The following DNTTIP1 variants were observed in gnomAD, a reference collection of about 807,000 sequenced individuals.
DNTTIP1 encodes deoxynucleotidyltransferase terminal-interacting protein 1.
In DNTTIP1, 22 loss-of-function variants were observed where a neutral mutation model predicts 52.9. The observed-to-expected ratio is 0.42, with a 90% CI of 0.30 to 0.59. The LOEUF is 0.59. Ranked by LOEUF, DNTTIP1 falls within the 20% of genes least tolerant of loss-of-function variation. DNTTIP1 has a pLI of 0.22. For synonymous variants in DNTTIP1, 136 were observed against 155.1 expected, an observed-to-expected ratio of 0.88 and a Z score of 0.92; for missense variants, 286 against 435.5, an observed-to-expected ratio of 0.66 and a Z score of 3.06.
At chr20:45,802,193 C>G in intron 7 of DNTTIP1, 136 bp downstream of exon 7, 1 of 953,754 alleles carries the variant, frequency 1.0e-6, no homozygotes, top group Non-Finnish European at 1.6e-6. Flanking sequence ...GGGGGTTATC[C>G]TGGTTGGAGG....
rs1197083607 is a variant in DNTTIP1 at position 45,800,732 on chromosome 20, T to A, written c.373-342T>A. Among the ~76,000 whole-genome samples the A allele has an allele frequency of 3.5e-4, 22 of 62,916 alleles. 3 individuals are homozygous for A. The highest frequency in any genetic ancestry group is 1.3e-3 in the Admixed American group (6 of 4,466). The allele number at this position is 62,916 out of a possible 152,430, so 41.3% of individuals were successfully genotyped here. On this transcript the variant is annotated intron_variant, in intron 4 of 12. Coordinates refer to ENST00000372622, the MANE Select transcript of DNTTIP1 (RefSeq NM_052951.3). ...ATATATATATATATATATATATATA[T>A]ATATATATATATATATATATATATT... is the stretch of plus-strand genomic sequence containing the variant.
intron 4 of DNTTIP1, among the ~76,000 whole-genome samples, chr20:45,797,056 T>G (rs1981264303): frequency 6.6e-6 from 1 of 152,210 alleles, no homozygotes; most frequent in Admixed American, 6.5e-5. Context: ...TGGAAGCCAA[T>G]TCAGCCGCTC....
intron 10 of DNTTIP1, among the ~76,000 whole-genome samples, chr20:45,807,205 C>G (rs1387346585): frequency 6.6e-6 from 1 of 152,042 alleles, no homozygotes; most frequent in Non-Finnish European, 1.5e-5. Flanking sequence ...TCACCGCATC[C>G]TCCACCTCCT....
At chr20:45,803,880 G>T (rs867205489) in intron 8 of DNTTIP1, among the ~76,000 whole-genome samples, 1 of 152,130 alleles carries the variant, frequency 6.6e-6, no homozygotes, top group Non-Finnish European at 1.5e-5. Flanking sequence ...TCAAACCCAA[G>T]ACCCGCTGAC....
chr20:45,795,471 G>A (rs752984768), intron 4 of DNTTIP1, 28 bp downstream of exon 4: 16 of 1,429,184 alleles, frequency 1.1e-5, no homozygotes, highest in Non-Finnish European at 1.5e-5. Flanking sequence ...AAGAGATGCA[G>A]GCACAAGGTT....
At chr20:45,800,081 C>G (rs1203838620) in intron 4 of DNTTIP1, among the ~76,000 whole-genome samples, 1 of 150,732 alleles carries the variant, frequency 6.6e-6, no homozygotes, top group Non-Finnish European at 1.5e-5. Flanking sequence ...GATCGCACCA[C>G]TGTACTCCAG....
intron 2 of DNTTIP1, among the ~76,000 whole-genome samples, chr20:45,793,511 C>T (rs996923958): frequency 6.6e-6 from 1 of 151,916 alleles, no homozygotes; most frequent in Admixed American, 6.6e-5. Flanking sequence ...ACCAGCCTGA[C>T]CAAAATGGAG....
chr20:45,802,227 A>G (rs1402909122), intron 7 of DNTTIP1, among the ~76,000 whole-genome samples, 170 bp downstream of exon 7: 1 of 152,124 alleles, frequency 6.6e-6, no homozygotes, highest in East Asian at 1.9e-4. Flanking sequence ...GGTAGTGAGG[A>G]GGAAATTGTT....
intron 2 of DNTTIP1, among the ~76,000 whole-genome samples, chr20:45,793,449 C>G (rs1007997041): frequency 6.6e-6 from 1 of 152,140 alleles, no homozygotes; most frequent in Admixed American, 6.5e-5. Flanking sequence ...CCTGTAATCC[C>G]AGCACTTTGG....
chr20:45,803,128 C>T, intron 7 of DNTTIP1: 2 of 542,418 alleles, frequency 3.7e-6, no homozygotes, highest in East Asian at 3.0e-5. Context: ...GCTCATGCCA[C>T]TATGTAAGAG....
chr20:45,797,487 T>C (rs1386728293), intron 4 of DNTTIP1, among the ~76,000 whole-genome samples: 1 of 152,170 alleles, frequency 6.6e-6, no homozygotes, highest in Non-Finnish European at 1.5e-5. Context: ...AAATGGGATC[T>C]AATTAAACTA....
chr20:45,798,707 G>A (rs1981326443), intron 4 of DNTTIP1, among the ~76,000 whole-genome samples: 1 of 152,054 alleles, frequency 6.6e-6, no homozygotes, highest in African/African-American at 2.4e-5. Context: ...CTTTTCTTCA[G>A]ATCTTAGTTT....
At chr20:45,801,566 T>C in intron 6 of DNTTIP1, 108 bp downstream of exon 6, 1 of 1,140,888 alleles carries the variant, frequency 8.8e-7, no homozygotes, top group Non-Finnish European at 1.3e-6. Flanking sequence ...GCGGGGAGGA[T>C]CACTTGAGCT....
In DNTTIP1 at chr20:45,792,754, C is replaced by T; in HGVS notation, c.176+7C>T. ...GCTCACAGATGACAACAAGGTAAGG[C>T]TGGCCCTGCATGGGGCTTATATCCC... On this transcript the variant is annotated splice_region_variant and intron_variant, in intron 2 of 12. Coordinates refer to ENST00000372622, the MANE Select transcript of DNTTIP1 (RefSeq NM_052951.3). 6.2e-7 allele frequency: 1 copy of T among 1,607,396 alleles called. No homozygotes were observed. Among genetic ancestry groups the T allele is most frequent in the South Asian group, 1.1e-5 (1 of 90,350 alleles).
chr20:45,803,210 C>A, intron 7 of DNTTIP1, 123 bp from the exon 8 acceptor site: 2 of 916,232 alleles, frequency 2.2e-6, no homozygotes, highest in South Asian at 1.5e-5. Context: ...TGTGTCACCA[C>A]GAAGGAGGAT....
rs2145708578 is a variant in DNTTIP1 at position 45,811,255 on chromosome 20, T to C, written c.*60T>C. The C allele has an allele frequency of 1.3e-6, 2 of 1,546,584 alleles. No homozygotes were observed. The highest frequency in any genetic ancestry group is 2.5e-5 in the South Asian group (2 of 79,176). The stretch of plus-strand genomic sequence containing the variant: ...TCCAAAGCCCTCTTCCTCACGTGGC[T>C]GAGGCCACCGCTGGGACTGCTCCTA... On this transcript the variant is annotated 3_prime_UTR_variant, in exon 13 of 13. Transcript: ENST00000372622.
At position 45,792,714 on chromosome 20, in the gene DNTTIP1, A is replaced by G; in HGVS notation, c.143A>G (p.Gln48Arg). The G allele has an allele frequency of 6.2e-7, 1 of 1,612,570 alleles. No homozygotes were observed. Among genetic ancestry groups the G allele is most frequent in the Non-Finnish European group, 8.5e-7 (1 of 1,179,288 alleles). Reference protein sequence around the residue: ...WNIMIKHRQVQRRGRRSQMTT... With the variant: ...WNIMIKHRQVRRRGRRSQMTT... ...ATAATGATAAAGCACCGGCAGGTGC[A>G]GCGGAGGGGCCGCCGCTCACAGATG... Residue 48 changes from glutamine (Q) to arginine (R), a missense_variant, in exon 2 of 13, where the codon CAG becomes CGG. Physicochemically the swap from Gln to Arg is conservative, Grantham distance 43 (BLOSUM62 1). Around this residue, in one of 2 missense-constraint regions of DNTTIP1, gnomAD observed 208 missense variants for 266.5 expected, o/e 0.78. Coordinates refer to ENST00000372622, the MANE Select transcript of DNTTIP1 (RefSeq NM_052951.3).
chr20:45,798,710 C>T (rs1981326684), intron 4 of DNTTIP1, among the ~76,000 whole-genome samples: 1 of 152,098 alleles, frequency 6.6e-6, no homozygotes. Flanking sequence ...TTCTTCAGAT[C>T]TTAGTTTAAA....
At chr20:45,796,047 G>A (rs1250769001) in intron 4 of DNTTIP1, among the ~76,000 whole-genome samples, 3 of 152,142 alleles carry the variant, frequency 2.0e-5, no homozygotes, top group Non-Finnish European at 2.9e-5. Flanking sequence ...ACTCATAGAA[G>A]CAGAGAGTAG....
Sources: gnomAD v4.1 joint callset for allele counts (sites outside exome capture counted in the v4.1 genomes callset) on GRCh38, gnomAD v4.1.1 for gene constraint, gnomAD v4.1.1 regional missense constraint, MANE v1.5 for transcripts, NCBI Gene and HGNC (gene_info 2026-07-23, HGNC 2026-07-21) for gene names.